The following GRAPL variants were observed in gnomAD, a reference collection of about 807,000 sequenced individuals.
The protein encoded by GRAPL is GRB2 related adaptor protein like.
chr17:19,144,303 CT>C, intron 3 of GRAPL: 1 of 364,130 alleles, frequency 2.7e-6, no homozygotes, highest in South Asian at 2.2e-5. Context: ...GCTGCTGCTG[CT>C]GCTGCCGCCA....
At chr17:19,144,583 G>A (rs1332363516) in intron 3 of GRAPL, among the ~76,000 whole-genome samples, 38 of 141,860 alleles carry the variant, frequency 2.7e-4, no homozygotes, top group Admixed American at 1.4e-3. Context: ...CAATGGAGAC[G>A]CTCTCACACC....
intron 3 of GRAPL, among the ~76,000 whole-genome samples, chr17:19,149,191 G>A (rs1447713732): frequency 2.9e-5 from 3 of 103,620 alleles, no homozygotes; most frequent in African/African-American, 8.6e-5. Flanking sequence ...TTAGCCGGGC[G>A]TGGTGGCGGG....
intron 3 of GRAPL, chr17:19,143,207 T>A (rs1162815143): frequency 5.5e-5 from 2 of 36,268 alleles, no homozygotes; most frequent in Non-Finnish European, 3.8e-5. Context: ...GGAACTCTGA[T>A]GGCACTATGC....
rs537629113 is a variant in GRAPL at position 19,147,089 on chromosome 17, A to G, written c.299+8501A>G. On this transcript the variant is annotated intron_variant, in intron 3 of 3. Coordinates refer to ENST00000344415, the MANE Select transcript of GRAPL (RefSeq NM_001129778.3). Reference sequence around the variant, plus strand: ...CGTGCATGTGTCCCATCAAGGCATCAAGTGCTTTGGACTGGTGGTTGGATC... The same window carrying G: ...CGTGCATGTGTCCCATCAAGGCATCGAGTGCTTTGGACTGGTGGTTGGATC... 1.3e-4 allele frequency among the ~76,000 whole-genome samples: 18 copies of G among 141,610 alleles called. No individual in the cohort carries two copies. The South Asian group carries it at 4.3e-3, about 34-fold the overall frequency. 92.9% of individuals were successfully genotyped at this position (141,610 alleles called of 152,430 possible).
At chr17:19,143,988 G>C in intron 3 of GRAPL, 1 of 21,846 alleles carries the variant, frequency 4.6e-5, no homozygotes, top group South Asian at 1.2e-3. Context: ...CCCTCCCTGA[G>C]CTCCAAAGAC....
chr17:19,144,404 C>A (rs1696073778), intron 3 of GRAPL, among the ~76,000 whole-genome samples: 1 of 121,680 alleles, frequency 8.2e-6, no homozygotes, highest in Non-Finnish European at 1.7e-5. Context: ...GCCCAGGGGT[C>A]AGCCTAGCCC....
intron 3 of GRAPL, among the ~76,000 whole-genome samples, chr17:19,144,447 A>T (rs1279615458): frequency 7.3e-6 from 1 of 136,096 alleles, no homozygotes; most frequent in Non-Finnish European, 1.5e-5. Flanking sequence ...TGTAGGGGTC[A>T]CACAGAGAGA....
At chr17:19,149,919 C>CCA in intron 3 of GRAPL, among the ~76,000 whole-genome samples, 1 of 29,040 alleles carries the variant, frequency 3.4e-5, no homozygotes, top group South Asian at 5.3e-3. Flanking sequence ...ACTAAAAATA[C>CCA]AAAAATTAGC....
rs1347405144 is a variant in GRAPL at position 19,149,171 on chromosome 17, T to C, written c.300-9148T>C. On this transcript the variant is annotated intron_variant, in intron 3 of 3. Transcript: ENST00000344415. Reference sequence around the variant, plus strand: ...GGTGAAACCCCGTCTCTACTAAAAATACCAAAAAATTAGCCGGGCGTGGTG... The same window carrying C: ...GGTGAAACCCCGTCTCTACTAAAAACACCAAAAAATTAGCCGGGCGTGGTG... Among the ~76,000 whole-genome samples, 9 of 78,766 alleles carry C rather than the reference T, an allele frequency of 1.1e-4. No homozygotes were observed. The East Asian group carries it at 8.2e-3, about 71-fold the overall frequency. The allele number at this position is 78,766 out of a possible 152,430, so 51.7% of individuals were successfully genotyped here.
rs202183900 is a variant in GRAPL, at chr17:19,147,050, TGC to T, written c.299+8476_299+8477del. Among the ~76,000 whole-genome samples the T allele has an allele frequency of 1.8e-3, 219 of 119,662 alleles. 26 individuals are homozygous for T. Among genetic ancestry groups the T allele is most frequent in the African/African-American group, 7.7e-3 (184 of 23,812 alleles). The allele number at this position is 119,662 out of a possible 152,430, so 78.5% of individuals were successfully genotyped here. A position where few individuals can be genotyped will look rare whatever the true frequency, so the allele number is the denominator to read the frequency against. ...GTGTGTGTGTGTGTGTGTGTGTGTGTGCGCGCGCGCGCGCGTGCATGTGTCCC... is the reference window on the plus strand; with the variant it reads ...GTGTGTGTGTGTGTGTGTGTGTGTGTGCGCGCGCGCGCGTGCATGTGTCCC... On this transcript the variant is annotated intron_variant, in intron 3 of 3. Coordinates refer to ENST00000344415, the MANE Select transcript of GRAPL (RefSeq NM_001129778.3).
At chr17:19,148,666 G>A (rs2044709663) in intron 3 of GRAPL, among the ~76,000 whole-genome samples, 1 of 31,570 alleles carries the variant, frequency 3.2e-5, no homozygotes, top group African/African-American at 1.0e-4. Context: ...CAGCACTTTG[G>A]GAGGCTGAGG....
chr17:19,143,003 G>A (rs2044680331), intron 3 of GRAPL: 1 of 100,172 alleles, frequency 1.0e-5, no homozygotes, highest in Non-Finnish European at 1.6e-5. Context: ...AGGAATTAGG[G>A]AGCCCCTCCT....
chr17:19,148,981 G>A (rs946904852), intron 3 of GRAPL, among the ~76,000 whole-genome samples: 2 of 132,140 alleles, frequency 1.5e-5, no homozygotes, highest in African/African-American at 5.6e-5. Context: ...GGTACTTGGG[G>A]CGATTTGGCG....
chr17:19,146,946 C>T (rs1480272619), intron 3 of GRAPL, among the ~76,000 whole-genome samples: 48 of 109,338 alleles, frequency 4.4e-4, no homozygotes, highest in Non-Finnish European at 6.5e-4. Flanking sequence ...TGTGGGTGAA[C>T]CCAAGCTTGC....
intron 3 of GRAPL, among the ~76,000 whole-genome samples, chr17:19,144,575 A>G (rs1231084479): frequency 7.0e-6 from 1 of 142,306 alleles, no homozygotes; most frequent in Non-Finnish European, 1.5e-5. Context: ...CTCAGACACA[A>G]TGGAGACGCT....
chr17:19,149,100 A>T (rs1424712991), intron 3 of GRAPL, among the ~76,000 whole-genome samples: 1 of 107,056 alleles, frequency 9.3e-6, no homozygotes. Flanking sequence ...GAGGCCGAGG[A>T]GGGTGGATCA....
intron 3 of GRAPL, among the ~76,000 whole-genome samples, chr17:19,148,909 A>G: frequency 7.7e-6 from 1 of 130,450 alleles, no homozygotes; most frequent in African/African-American, 2.7e-5. Flanking sequence ...CCACGCCTCA[A>G]AAAAAAAAAA....
At chr17:19,149,096 G>A (rs1292503876) in intron 3 of GRAPL, among the ~76,000 whole-genome samples, 2 of 113,028 alleles carry the variant, frequency 1.8e-5, no homozygotes, top group Non-Finnish European at 3.5e-5. Flanking sequence ...TTGGGAGGCC[G>A]AGGAGGGTGG....
chr17:19,147,015 G>GT, intron 3 of GRAPL, among the ~76,000 whole-genome samples: 2 of 97,108 alleles, frequency 2.1e-5, no homozygotes, highest in Admixed American at 2.2e-4. Context: ...GGAGAGGTAG[G>GT]GGTGTGTGTG....
Sources: gnomAD v4.1 joint callset for allele counts (sites outside exome capture counted in the v4.1 genomes callset) on GRCh38, gnomAD v4.1.1 for gene constraint, MANE v1.5 for transcripts, NCBI Gene and HGNC (gene_info 2026-07-23, HGNC 2026-07-21) for gene names.